The following HSD17B4 variants were observed in gnomAD, a reference collection of about 807,000 sequenced individuals.
HSD17B4 encodes peroxisomal multifunctional enzyme type 2.
In HSD17B4, 70 loss-of-function variants were observed where a neutral mutation model predicts 101.0. The observed-to-expected ratio is 0.69, with a 90% CI of 0.57 to 0.85. HSD17B4 has a LOEUF of 0.85. Ranked by LOEUF, HSD17B4 falls within the 40% of genes least tolerant of loss-of-function variation. HSD17B4 has a pLI of 0.00. For synonymous variants in HSD17B4, 347 were observed against 297.1 expected (o/e 1.17, Z -1.73); for missense variants, 984 against 892.4 (o/e 1.10, Z -1.31).
rs768644366 is a variant in HSD17B4, at chr5:119,493,817, G to C, written c.740-1G>C. 6.2e-7 allele frequency: 1 copy of C among 1,612,708 alleles called. No individual in the cohort carries two copies. Among genetic ancestry groups the C allele is most frequent in the Non-Finnish European group, 8.5e-7 (1 of 1,179,046 alleles). On this transcript the variant is annotated splice_acceptor_variant, in intron 10 of 23. Transcript: ENST00000510025. LOFTEE classifies it high-confidence loss of function. Reference sequence around the variant, plus strand: ...TATGTTAGTTTTGTTTCTATAACCAGTACGCTGGGAGCGGACTCTTGGAGC... The same window carrying C: ...TATGTTAGTTTTGTTTCTATAACCACTACGCTGGGAGCGGACTCTTGGAGC...
At chr5:119,469,182 C>T (rs1756108815) in intron 2 of HSD17B4, among the ~76,000 whole-genome samples, 1 of 151,360 alleles carries the variant, frequency 6.6e-6, no homozygotes, top group Admixed American at 6.6e-5. Context: ...ACTGGATTTC[C>T]TTAAGATCAT....
intron 2 of HSD17B4, among the ~76,000 whole-genome samples, chr5:119,466,263 T>G (rs1755799589): frequency 6.6e-6 from 1 of 152,072 alleles, no homozygotes; most frequent in Non-Finnish European, 1.5e-5. Context: ...TTCAGTTTTC[T>G]TTTTTTTGTT....
chr5:119,463,955 G>A (rs920323069), intron 2 of HSD17B4, among the ~76,000 whole-genome samples: 12 of 152,056 alleles, frequency 7.9e-5, no homozygotes, highest in African/African-American at 2.9e-4. Flanking sequence ...ACAGGCGTGA[G>A]CCACTGCACC....
At chr5:119,529,067 T>C (rs1360288788) in intron 20 of HSD17B4, among the ~76,000 whole-genome samples, 2 of 152,200 alleles carry the variant, frequency 1.3e-5, no homozygotes, top group African/African-American at 4.8e-5. Flanking sequence ...ATGTATGTAA[T>C]TTGAAGTAAA....
rs1422078310 is a variant in HSD17B4 at position 119,462,509 on chromosome 5, A to T, written c.112+6141A>T. 2.0e-5 allele frequency among the ~76,000 whole-genome samples: 3 copies of T among 151,970 alleles called. No homozygotes were observed. In the East Asian group the frequency reaches 5.8e-4, roughly 29 times the overall value. On this transcript the variant is annotated intron_variant, in intron 2 of 23. Transcript: ENST00000510025. Reference sequence around the variant, plus strand: ...AAAAAGCTATCTGGAGATTAAATGCATCAGTGTACATAGTAGTTTTATTGA... The same window carrying T: ...AAAAAGCTATCTGGAGATTAAATGCTTCAGTGTACATAGTAGTTTTATTGA...
intron 23 of HSD17B4, among the ~76,000 whole-genome samples, chr5:119,538,250 C>T (rs1215437051): frequency 1.3e-5 from 2 of 152,140 alleles, no homozygotes; most frequent in African/African-American, 4.8e-5. Flanking sequence ...TCCTTCTGCC[C>T]TTCTGTATCC....
intron 8 of HSD17B4, among the ~76,000 whole-genome samples, chr5:119,488,562 C>T (rs1200043961): frequency 1.3e-5 from 2 of 152,144 alleles, no homozygotes; most frequent in African/African-American, 4.8e-5. Flanking sequence ...TTGGTCGTTA[C>T]ACATTGTATA....
chr5:119,525,574 G>A (rs569995170), intron 18 of HSD17B4, among the ~76,000 whole-genome samples: 18 of 152,232 alleles, frequency 1.2e-4, no homozygotes, highest in African/African-American at 3.6e-4. Flanking sequence ...TCATTGGAGA[G>A]AGAGCAAGGA....
At chr5:119,453,014 G>A (rs1183111285) in intron 1 of HSD17B4, among the ~76,000 whole-genome samples, 1 of 152,244 alleles carries the variant, frequency 6.6e-6, no homozygotes. Context: ...GGACTGAAAA[G>A]CCGCGAGGGG....
intron 8 of HSD17B4, among the ~76,000 whole-genome samples, chr5:119,488,612 A>G (rs1223929609): frequency 3.3e-5 from 5 of 152,140 alleles, no homozygotes; most frequent in Non-Finnish European, 7.4e-5. Context: ...AATATGTACA[A>G]CTATTATATA....
At chr5:119,520,709 G>T (rs989011468) in intron 17 of HSD17B4, among the ~76,000 whole-genome samples, 5 of 151,812 alleles carry the variant, frequency 3.3e-5, no homozygotes, top group Admixed American at 2.0e-4. Context: ...AATTTTTCTA[G>T]TTGTTTATGG....
At chr5:119,508,262 T>A (rs966561775) in intron 15 of HSD17B4, among the ~76,000 whole-genome samples, 2 of 152,196 alleles carry the variant, frequency 1.3e-5, no homozygotes, top group Non-Finnish European at 2.9e-5. Flanking sequence ...AACCTTTCTT[T>A]AATTTTTACT....
At chr5:119,499,209 C>T (rs934248745) in intron 12 of HSD17B4, 108 bp from the exon 13 acceptor site, 8 of 729,206 alleles carry the variant, frequency 1.1e-5, no homozygotes, top group African/African-American at 1.8e-5. Context: ...CCATCAAATT[C>T]ACTAACATTC....
intron 23 of HSD17B4, among the ~76,000 whole-genome samples, chr5:119,539,922 C>A (rs1399602755): frequency 2.3e-3 from 239 of 105,754 alleles, no homozygotes; most frequent in South Asian, 3.6e-3. Context: ...CTGTCTCTAC[C>A]AAAAAAAAAA....
intron 14 of HSD17B4, among the ~76,000 whole-genome samples, chr5:119,506,520 G>A (rs1051972197): frequency 1.3e-5 from 2 of 152,158 alleles, no homozygotes; most frequent in Non-Finnish European, 2.9e-5. Flanking sequence ...ATAATCCTTT[G>A]GGTACATACC....
rs374152346 is a variant in HSD17B4, at chr5:119,515,207, TA to T, written c.1503+162del. ...AGACATGTTTCCTGTGATTGCACGT[TA>T]TTTTTTTAATTTTTAGTTATTAATG... is the stretch of plus-strand genomic sequence containing the variant. On this transcript the variant is annotated intron_variant, in intron 17 of 23. Transcript: ENST00000510025. Among the ~76,000 whole-genome samples, 25 of 152,320 alleles carry T rather than the reference TA, an allele frequency of 1.6e-4. No homozygotes were observed. In the South Asian group the frequency reaches 4.6e-3, roughly 28 times the overall value.
chr5:119,531,243 G>A (rs1289212277), intron 21 of HSD17B4, 23 bp from the exon 22 acceptor site: 2 of 1,612,282 alleles, frequency 1.2e-6, no homozygotes, highest in South Asian at 1.1e-5. Context: ...AACTTTTAAA[G>A]TTTATTTTGT....
intron 2 of HSD17B4, among the ~76,000 whole-genome samples, chr5:119,457,552 G>T (rs1051348625): frequency 1.3e-5 from 2 of 152,158 alleles, no homozygotes; most frequent in African/African-American, 4.8e-5. Context: ...GATGAATTTT[G>T]ACATTGTATT....
intron 1 of HSD17B4, among the ~76,000 whole-genome samples, chr5:119,455,391 C>A (rs1404955717): frequency 2.0e-5 from 3 of 152,074 alleles, no homozygotes; most frequent in Non-Finnish European, 4.4e-5. Flanking sequence ...GTGGCGGGCG[C>A]CTGTAGTCCC....
Sources: allele counts gnomAD v4.1 joint callset (sites outside exome capture counted in the v4.1 genomes callset), GRCh38; gene constraint gnomAD v4.1.1; transcripts MANE v1.5; gene names NCBI Gene and HGNC (gene_info 2026-07-23, HGNC 2026-07-21).